SEM1: variants seen among roughly 807,000 people sequenced by gnomAD.
The protein encoded by SEM1 is SEM1 26S proteasome subunit.
A neutral mutation model predicts 12.7 loss-of-function variants in SEM1; 3 were observed. That is an observed-to-expected ratio of 0.24 (90% CI 0.11 to 0.61). SEM1 has a LOEUF of 0.61. Among genes scored for constraint, SEM1 ranks in the 20% least tolerant of loss-of-function variants. SEM1 has a pLI of 0.88. For synonymous variants in SEM1, 30 were observed against 27.8 expected (o/e 1.08, Z -0.25); for missense variants, 59 against 81.3 (o/e 0.73, Z 1.06).
At chr7:96,486,759 T>C (rs1225692169) in intron 1 of SEM1, among the ~76,000 whole-genome samples, 1 of 152,186 alleles carries the variant, frequency 6.6e-6, no homozygotes, top group Non-Finnish European at 1.5e-5. Flanking sequence ...ATGAGGCAAC[T>C]TGCAAATCCA....
chr7:96,537,647 C>G (rs1804827435), intron 2 of SEM1, among the ~76,000 whole-genome samples: 1 of 151,672 alleles, frequency 6.6e-6, no homozygotes. Context: ...AGTCCAGTGT[C>G]TTCCTTGCCC....
At chr7:96,650,470 T>C (rs529775023) in intron 2 of SEM1, 2 of 753,568 alleles carry the variant, frequency 2.7e-6, no homozygotes, top group African/African-American at 1.7e-5. Context: ...ACCAAGCCAC[T>C]GCAGGAGACA....
At chr7:96,552,066 C>G (rs1371195148) in intron 2 of SEM1, among the ~76,000 whole-genome samples, 1 of 152,198 alleles carries the variant, frequency 6.6e-6, no homozygotes, top group Admixed American at 6.5e-5. Flanking sequence ...AGTGCCAGCA[C>G]TCTGTCATGT....
At chr7:96,553,547 G>C (rs1216616461) in intron 2 of SEM1, among the ~76,000 whole-genome samples, 3,096 of 152,134 alleles carry the variant, frequency 0.02, 86 homozygotes, top group African/African-American at 0.07. Flanking sequence ...CTGTTCCATT[G>C]ATCTATATCT....
chr7:96,699,992 C>T (rs2115958112), intron 1 of SEM1, among the ~76,000 whole-genome samples: 1 of 152,304 alleles, frequency 6.6e-6, no homozygotes, highest in East Asian at 1.9e-4. Flanking sequence ...AAGACAGCCT[C>T]TAATTAACTG....
At chr7:96,667,048 G>T (rs1486523545) in intron 2 of SEM1, among the ~76,000 whole-genome samples, 1 of 152,148 alleles carries the variant, frequency 6.6e-6, no homozygotes, top group Non-Finnish European at 1.5e-5. Flanking sequence ...TAAAGTTTGG[G>T]CTGAAGGATG....
intron 2 of SEM1, among the ~76,000 whole-genome samples, chr7:96,616,438 T>C (rs960521381): frequency 2.0e-5 from 3 of 152,188 alleles, no homozygotes; most frequent in East Asian, 3.8e-4. Flanking sequence ...TTGAAGATTC[T>C]AGATATTAGC....
chr7:96,559,368 ATCTCCCAGGCTCGGTTGAT>A, intron 2 of SEM1, among the ~76,000 whole-genome samples: 1 of 152,086 alleles, frequency 6.6e-6, no homozygotes, highest in South Asian at 2.1e-4. Flanking sequence ...TCCAACCTCA[ATCTCCCAGGCTCGGTTGAT>A]TCTCCCACCT....
chr7:96,694,930 AC>A (rs1790041972), intron 1 of SEM1, 39 bp from the exon 2 acceptor site: 2 of 1,432,318 alleles, frequency 1.4e-6, no homozygotes, highest in East Asian at 2.3e-5. Flanking sequence ...TATTTCTCAT[AC>A]ATTATTTCCA....
intron 2 of SEM1, among the ~76,000 whole-genome samples, chr7:96,584,543 G>T (rs890997457): frequency 6.6e-6 from 1 of 151,996 alleles, no homozygotes; most frequent in Non-Finnish European, 1.5e-5. Flanking sequence ...AGTTCTCCTG[G>T]ATGATATCCT....
intron 3 of SEM1, among the ~76,000 whole-genome samples, chr7:96,503,683 G>A (rs1039996230): frequency 1.3e-5 from 2 of 152,064 alleles, no homozygotes; most frequent in Admixed American, 1.3e-4. Context: ...CTTAATGACA[G>A]GGCCTTTATG....
At chr7:96,644,128 G>A (rs1808710151) in intron 2 of SEM1, among the ~76,000 whole-genome samples, 1 of 152,000 alleles carries the variant, frequency 6.6e-6, no homozygotes, top group African/African-American at 2.4e-5. Flanking sequence ...GTTCTCTGGG[G>A]TTTGCTCCTC....
At chr7:96,682,061 T>G (rs1397547977) in intron 2 of SEM1, among the ~76,000 whole-genome samples, 1 of 152,146 alleles carries the variant, frequency 6.6e-6, no homozygotes, top group African/African-American at 2.4e-5. Context: ...CTTATTTCCT[T>G]GAGCAGTGGT....
chr7:96,492,359 T>C (rs1365194471), intron 1 of SEM1, among the ~76,000 whole-genome samples: 1 of 152,118 alleles, frequency 6.6e-6, no homozygotes, highest in African/African-American at 2.4e-5. Context: ...TTATTTTACT[T>C]GATATAATGC....
intron 2 of SEM1, among the ~76,000 whole-genome samples, chr7:96,522,497 C>A (rs1003638476): frequency 6.6e-6 from 1 of 151,078 alleles, no homozygotes; most frequent in East Asian, 2.0e-4. Flanking sequence ...CTACATTGCA[C>A]GATTAGCACT....
At chr7:96,547,689 G>T (rs1351153198) in intron 2 of SEM1, among the ~76,000 whole-genome samples, 1 of 152,034 alleles carries the variant, frequency 6.6e-6, no homozygotes, top group Non-Finnish European at 1.5e-5. Flanking sequence ...GTTTTACAAT[G>T]GCACTTTCCC....
intron 2 of SEM1, among the ~76,000 whole-genome samples, chr7:96,607,820 T>A (rs1807428388): frequency 1.3e-5 from 2 of 152,208 alleles, no homozygotes; most frequent in Admixed American, 6.5e-5. Flanking sequence ...CTGAGTCCCC[T>A]GATCTTAATC....
chr7:96,590,551 T>G (rs540433538), intron 2 of SEM1, among the ~76,000 whole-genome samples: 106 of 152,376 alleles, frequency 7.0e-4, no homozygotes, highest in Admixed American at 3.9e-3. Flanking sequence ...CAGGATTCTT[T>G]AGCCATTTGT....
At chr7:96,568,507 GTTTAT>G (rs1249832600) in intron 2 of SEM1, among the ~76,000 whole-genome samples, 3 of 151,626 alleles carry the variant, frequency 2.0e-5, no homozygotes, top group African/African-American at 7.3e-5. Flanking sequence ...ATTTCCTCAA[GTTTAT>G]TTTATTGGTG....
Sources: allele counts gnomAD v4.1 joint callset (sites outside exome capture counted in the v4.1 genomes callset), GRCh38; gene constraint gnomAD v4.1.1; transcripts MANE v1.5; gene names NCBI Gene and HGNC (gene_info 2026-07-23, HGNC 2026-07-21).